The following PTPRD variants were observed in gnomAD, a reference collection of about 807,000 sequenced individuals.
The protein encoded by PTPRD is receptor-type tyrosine-protein phosphatase delta.
A neutral mutation model predicts 214.5 loss-of-function variants in PTPRD; 34 were observed. The ratio of observed to expected loss-of-function variants is 0.16; its 90% CI spans 0.12 to 0.21. The LOEUF is 0.21. Ranked by LOEUF, PTPRD falls within the 10% of genes least tolerant of loss-of-function variation. PTPRD has a pLI of 1.00. For synonymous variants in PTPRD, 1,128 were observed against 845.7 expected (o/e 1.33, Z -5.79); for missense variants, 2,545 against 2,398.7 (o/e 1.06, Z -1.27).
intron 21 of PTPRD, among the ~76,000 whole-genome samples, chr9:8,515,902 G>A (rs1406086733): frequency 2.6e-5 from 4 of 152,106 alleles, no homozygotes; most frequent in Admixed American, 6.6e-5. Context: ...CTATAAGGTG[G>A]TTATTATTAT....
chr9:10,328,322 T>C (rs1308523925), intron 3 of PTPRD, among the ~76,000 whole-genome samples: 1 of 151,798 alleles, frequency 6.6e-6, no homozygotes, highest in East Asian at 1.9e-4. Context: ...TGTATTGAAT[T>C]ACACCCGGTA....
intron 5 of PTPRD, among the ~76,000 whole-genome samples, chr9:9,794,841 A>C (rs2098991954): frequency 6.6e-6 from 1 of 152,208 alleles, no homozygotes. Context: ...TGGTGTTTTA[A>C]AAGATAACTT....
At chr9:10,174,950 T>C (rs1003186102) in intron 3 of PTPRD, among the ~76,000 whole-genome samples, 2 of 152,082 alleles carry the variant, frequency 1.3e-5, no homozygotes, top group African/African-American at 4.8e-5. Flanking sequence ...ATGCTTGAAA[T>C]TACTTGAGAA....
At chr9:9,293,981 C>T (rs553965600) in intron 9 of PTPRD, among the ~76,000 whole-genome samples, 1 of 151,636 alleles carries the variant, frequency 6.6e-6, no homozygotes, top group Admixed American at 6.6e-5. Context: ...TACTCTTGCA[C>T]TTTGGGGTCA....
chr9:9,818,946 T>C (rs1334617072), intron 5 of PTPRD, among the ~76,000 whole-genome samples: 3 of 150,958 alleles, frequency 2.0e-5, no homozygotes, highest in African/African-American at 7.3e-5. Flanking sequence ...AAAGTTCGTA[T>C]GTATGTCTTT....
At chr9:8,786,958 G>A (rs1361600234) in intron 11 of PTPRD, among the ~76,000 whole-genome samples, 1 of 151,580 alleles carries the variant, frequency 6.6e-6, no homozygotes, top group Non-Finnish European at 1.5e-5. Flanking sequence ...AGGCTGCAGT[G>A]TAGTGGCAGC....
At chr9:8,476,287 G>C (rs2135328136) in intron 30 of PTPRD, among the ~76,000 whole-genome samples, 1 of 152,310 alleles carries the variant, frequency 6.6e-6, no homozygotes, top group Non-Finnish European at 1.5e-5. Flanking sequence ...GTTCACAATA[G>C]GGTTCATGTT....
chr9:10,559,181 A>G (rs2063294483), intron 2 of PTPRD, among the ~76,000 whole-genome samples: 1 of 152,156 alleles, frequency 6.6e-6, no homozygotes, highest in Non-Finnish European at 1.5e-5. Flanking sequence ...TAAGAATCCC[A>G]TGAGGATCTG....
rs189638065 is a variant in PTPRD at position 9,195,630 on chromosome 9, G to C, written c.-202-12267C>G. Among the ~76,000 whole-genome samples, 145 of 151,684 alleles carry C rather than the reference G, an allele frequency of 9.6e-4. 2 individuals are homozygous for C. In the Middle Eastern group the frequency reaches 0.014, roughly 14 times the overall value. ...CAACTTGAAACCTTTCATTTGAATG[G>C]AGCATTCGCTTCCCACAGAGTCTGT... On this transcript the variant is annotated intron_variant, in intron 9 of 45. Coordinates refer to ENST00000381196, the MANE Select transcript of PTPRD (RefSeq NM_002839.4).
At chr9:10,010,055 G>C (rs2096564935) in intron 4 of PTPRD, among the ~76,000 whole-genome samples, 2 of 151,808 alleles carry the variant, frequency 1.3e-5, no homozygotes, top group African/African-American at 4.8e-5. Context: ...TTGGTTGAGA[G>C]GCTTGGAATT....
At chr9:9,281,565 T>A (rs1248982024) in intron 9 of PTPRD, among the ~76,000 whole-genome samples, 1 of 151,332 alleles carries the variant, frequency 6.6e-6, no homozygotes, top group African/African-American at 2.4e-5. Context: ...CACACCTATA[T>A]TAGAGTGTCC....
chr9:9,475,715 T>C (rs2094975273), intron 8 of PTPRD, among the ~76,000 whole-genome samples: 1 of 152,210 alleles, frequency 6.6e-6, no homozygotes, highest in Non-Finnish European at 1.5e-5. Flanking sequence ...AATGTTGATT[T>C]TCATTAGACT....
intron 8 of PTPRD, among the ~76,000 whole-genome samples, chr9:9,408,674 T>A (rs2074367134): frequency 6.6e-6 from 1 of 151,894 alleles, no homozygotes; most frequent in Non-Finnish European, 1.5e-5. Flanking sequence ...ATCTGGGTTA[T>A]CAGACAGAAC....
At chr9:9,699,342 C>T (rs1221425494) in intron 7 of PTPRD, among the ~76,000 whole-genome samples, 1 of 151,968 alleles carries the variant, frequency 6.6e-6, no homozygotes, top group Non-Finnish European at 1.5e-5. Flanking sequence ...TACTAACCAC[C>T]ATTATCTTTT....
chr9:9,841,278 A>C (rs1300950111), intron 5 of PTPRD, among the ~76,000 whole-genome samples: 5 of 152,148 alleles, frequency 3.3e-5, no homozygotes, highest in African/African-American at 7.2e-5. Context: ...TACACACACA[A>C]AAAAGTTGAA....
chr9:9,364,117 T>C (rs2057155850), intron 9 of PTPRD, among the ~76,000 whole-genome samples: 1 of 151,546 alleles, frequency 6.6e-6, no homozygotes, highest in Admixed American at 6.6e-5. Context: ...GCCTATTGCC[T>C]CTCTTAAATC....
At chr9:9,275,934 A>C (rs1235444375) in intron 9 of PTPRD, among the ~76,000 whole-genome samples, 5 of 151,256 alleles carry the variant, frequency 3.3e-5, no homozygotes, top group African/African-American at 1.2e-4. Context: ...TGTGTAAACC[A>C]ACCGTGCCTT....
At chr9:8,950,359 A>G (rs2154304108) in intron 11 of PTPRD, among the ~76,000 whole-genome samples, 1 of 152,230 alleles carries the variant, frequency 6.6e-6, no homozygotes, top group East Asian at 1.9e-4. Flanking sequence ...ATTCCTCACA[A>G]TTGACATCCA....
intron 35 of PTPRD, among the ~76,000 whole-genome samples, chr9:8,422,765 C>T (rs188266093): frequency 5.3e-5 from 8 of 152,268 alleles, no homozygotes; most frequent in Admixed American, 2.0e-4. Context: ...CCCAGTTGCA[C>T]GGCAACATCC....
Sources: gnomAD v4.1 joint callset for allele counts (sites outside exome capture counted in the v4.1 genomes callset) on GRCh38, gnomAD v4.1.1 for gene constraint, MANE v1.5 for transcripts, NCBI Gene and HGNC (gene_info 2026-07-23, HGNC 2026-07-21) for gene names.